ACSM6: variants seen among roughly 807,000 people sequenced by gnomAD.
The protein encoded by ACSM6 is acyl-CoA synthetase medium chain family member 6, also known as acyl-coenzyme A synthetase ACSM6, mitochondrial.
ACSM6 carries 35 observed loss-of-function variants against 51.1 expected under a neutral mutation model. That is an observed-to-expected ratio of 0.69 (90% confidence interval 0.52 to 0.91). The LOEUF (loss-of-function observed/expected upper bound fraction) is 0.91. ACSM6 is among the 40% of genes least tolerant of loss of function. ACSM6 has a pLI of 0.00. For synonymous variants in ACSM6, 172 were observed against 207.3 expected (o/e 0.83, Z 1.46); for missense variants, 509 against 584.1 (o/e 0.87, Z 1.32).
At chr10:95,211,897 C>G in exon 6 of ACSM6, 1 of 1,608,454 alleles carries the variant, frequency 6.2e-7, no homozygotes, top group Non-Finnish European at 8.5e-7. Flanking sequence ...GGATCTCCAG[C>G]CAACAGATGT....
intron 3 of ACSM6, 138 bp from the exon 4 acceptor site, chr10:95,207,070 G>A: frequency 1.3e-6 from 1 of 748,378 alleles, no homozygotes; most frequent in Non-Finnish European, 2.2e-6. Flanking sequence ...TCGCCATCGT[G>A]TTACTGACCC....
exon 4 of ACSM6, chr10:95,207,215 C>G: frequency 6.2e-7 from 1 of 1,613,932 alleles, no homozygotes; most frequent in African/African-American, 1.3e-5. Context: ...CAGGAATCAC[C>G]TTTGTGCCTG....
At chr10:95,210,560 T>A in intron 4 of ACSM6, 90 bp from the exon 5 acceptor site, 2 of 1,322,186 alleles carry the variant, frequency 1.5e-6, no homozygotes, top group Non-Finnish European at 2.0e-6. Flanking sequence ...TGTTATTTTT[T>A]AAAATCAGAG....
At chr10:95,196,556 T>C (rs1257099948) in intron 2 of ACSM6, among the ~76,000 whole-genome samples, 1 of 152,232 alleles carries the variant, frequency 6.6e-6, no homozygotes, top group Non-Finnish European at 1.5e-5. Flanking sequence ...TAACCACTGG[T>C]AATTTTCATA....
chr10:95,204,207 G>A (rs748029893), intron 3 of ACSM6, among the ~76,000 whole-genome samples: 2 of 152,154 alleles, frequency 1.3e-5, no homozygotes, highest in African/African-American at 4.8e-5. Context: ...GATGGTATAA[G>A]GCAAAATGAA....
At chr10:95,205,848 A>G (rs1047218000) in intron 3 of ACSM6, among the ~76,000 whole-genome samples, 4 of 152,142 alleles carry the variant, frequency 2.6e-5, no homozygotes, top group East Asian at 1.9e-4. Flanking sequence ...TATATACTCA[A>G]TGCTAAAGGG....
intron 9 of ACSM6, among the ~76,000 whole-genome samples, chr10:95,224,144 G>T (rs1273938114): frequency 2.0e-5 from 3 of 152,120 alleles, no homozygotes; most frequent in African/African-American, 7.2e-5. Context: ...TTTTCCCAAA[G>T]TCTAAAGTTC....
At chr10:95,194,554 T>C in exon 2 of ACSM6, 1 of 1,551,896 alleles carries the variant, frequency 6.4e-7, no homozygotes, top group Non-Finnish European at 8.7e-7. Context: ...CCTGCTGCTA[T>C]CCAAACCAAA....
rs868500407 is a variant in ACSM6, at chr10:95,228,753, AT to A, written c.1413del (p.Asp471GlufsTer18). ...TTCTGGTGGTCTGGTAGAGTTGATG[AT>A]GTTGCCAATGCATTGGGTCAGAGAT... On this transcript the variant is annotated frameshift_variant, in exon 11 of 11. Coordinates refer to ENST00000341686, the Ensembl canonical transcript of ACSM6. LOFTEE classifies it high-confidence loss of function. 5 of 1,551,478 alleles carry A rather than the reference AT, an allele frequency of 3.2e-6. No individual in the cohort carries two copies. Among genetic ancestry groups the A allele is most frequent in the Non-Finnish European group, 3.5e-6 (4 of 1,146,928 alleles).
intron 9 of ACSM6, among the ~76,000 whole-genome samples, chr10:95,223,451 C>G (rs1246402075): frequency 6.6e-6 from 1 of 152,012 alleles, no homozygotes; most frequent in African/African-American, 2.4e-5. Context: ...AAATACCAGC[C>G]AACCTAACAA....
intron 3 of ACSM6, 112 bp downstream of exon 3, chr10:95,202,307 C>T (rs1589491528): frequency 5.0e-6 from 5 of 991,548 alleles, no homozygotes; most frequent in Non-Finnish European, 3.1e-6. Context: ...TGAATTCTTC[C>T]CACAGTGTGG....
At chr10:95,197,667 A>C (rs1392162608) in intron 2 of ACSM6, among the ~76,000 whole-genome samples, 3 of 152,194 alleles carry the variant, frequency 2.0e-5, no homozygotes, top group African/African-American at 7.2e-5. Context: ...CGGGTTTTAT[A>C]CCGAGACATT....
intron 10 of ACSM6, among the ~76,000 whole-genome samples, chr10:95,227,412 T>A (rs1485502234): frequency 1.3e-5 from 2 of 152,276 alleles, no homozygotes; most frequent in Non-Finnish European, 2.9e-5. Context: ...TCAATGAGTA[T>A]CCTTGTTAAC....
exon 4 of ACSM6, chr10:95,207,266 A>T (rs746526609): frequency 1.2e-6 from 2 of 1,614,206 alleles, no homozygotes; most frequent in Non-Finnish European, 1.7e-6. Context: ...GCTATCAATT[A>T]CGCATGTCTA....
intron 10 of ACSM6, chr10:95,228,161 C>T (rs941362367): frequency 6.7e-6 from 1 of 149,910 alleles, no homozygotes; most frequent in Non-Finnish European, 1.5e-5. Context: ...TCACCAATCA[C>T]TCTAATTGTG....
At chr10:95,212,277 A>G (rs2034900822) in intron 6 of ACSM6, among the ~76,000 whole-genome samples, 1 of 152,180 alleles carries the variant, frequency 6.6e-6, no homozygotes, top group Non-Finnish European at 1.5e-5. Flanking sequence ...AAAAGACAAT[A>G]GTGATATTGA....
At chr10:95,197,437 GAGA>G (rs1230931167) in intron 2 of ACSM6, among the ~76,000 whole-genome samples, 1 of 152,042 alleles carries the variant, frequency 6.6e-6, no homozygotes, top group African/African-American at 2.4e-5. Context: ...TGATAATAAG[GAGA>G]AGGTCAGCAA....
intron 5 of ACSM6, among the ~76,000 whole-genome samples, chr10:95,211,654 C>G (rs1247986186): frequency 6.6e-6 from 1 of 152,170 alleles, no homozygotes; most frequent in African/African-American, 2.4e-5. Flanking sequence ...TCTGAGACCC[C>G]TGAAAGCCAT....
At chr10:95,212,879 A>G in exon 7 of ACSM6, 1 of 1,613,674 alleles carries the variant, frequency 6.2e-7, no homozygotes, top group African/African-American at 1.3e-5. Context: ...ATTTCCCATC[A>G]CCACTCTATC....
Sources: gnomAD v4.1 joint callset for allele counts (sites outside exome capture counted in the v4.1 genomes callset) on GRCh38, gnomAD v4.1.1 for gene constraint, MANE v1.5 for transcripts, NCBI Gene and HGNC (gene_info 2026-07-23, HGNC 2026-07-21) for gene names.